Variants in CCDC14 observed in about 807,000 individuals in gnomAD.
CCDC14 encodes the protein coiled-coil domain-containing protein 14.
Under a neutral mutation model 81.4 loss-of-function variants are expected in CCDC14, and 71 were observed. The observed-to-expected ratio is 0.87, with a 90% CI of 0.72 to 1.06. The LOEUF (loss-of-function observed/expected upper bound fraction) is 1.06. Among genes scored for constraint, CCDC14 ranks in the 50% least tolerant of loss-of-function variants. The pLI is 0.00. For missense variants in CCDC14, 1,046 were observed against 1,047.3 expected (o/e 1.00, Z 0.02); for synonymous variants, 332 against 364.8 (o/e 0.91, Z 1.03).
intron 9 of CCDC14, among the ~76,000 whole-genome samples, chr3:123,936,425 T>C (rs1185516757): frequency 2.0e-5 from 3 of 151,978 alleles, no homozygotes; most frequent in East Asian, 1.9e-4. Flanking sequence ...ATAAACTACA[T>C]AAATTTAAAG....
chr3:123,949,427 A>T (rs2036877218), intron 5 of CCDC14: 1 of 344,684 alleles, frequency 2.9e-6, no homozygotes. Context: ...CTTTTAAGGG[A>T]GTTATATTAT....
At chr3:123,908,302 AT>A (rs1158966160) in intron 5 of CCDC14, among the ~76,000 whole-genome samples, 1 of 152,130 alleles carries the variant, frequency 6.6e-6, no homozygotes, top group Non-Finnish European at 1.5e-5. Context: ...TTGAGATCGT[AT>A]CTCCTCATTT....
In CCDC14 at chr3:123,931,245, A is replaced by G. The variant is rs147633350; in HGVS notation, c.1646-11T>C. The G allele has an allele frequency of 1.6e-4, 249 of 1,595,670 alleles. No homozygotes were observed. The African/African-American group carries it at 3.0e-3, about 19-fold the overall frequency. ...GGGCTTCCTCCAATTCTAAAACAAC[A>G]AAAGTTTCAGTTTCCTTATTCCTTT... is the stretch of plus-strand genomic sequence containing the variant. On this transcript the variant is annotated splice_polypyrimidine_tract_variant and intron_variant, in intron 11 of 12. Coordinates refer to ENST00000409697, the MANE Select transcript of CCDC14 (RefSeq NM_001366335.1).
intron 5 of CCDC14, among the ~76,000 whole-genome samples, chr3:123,904,531 A>G (rs2034256882): frequency 6.6e-6 from 1 of 151,476 alleles, no homozygotes; most frequent in African/African-American, 2.4e-5. Context: ...AGGATAACCA[A>G]CTCGTTAATC....
intron 1 of CCDC14, chr3:123,958,902 T>C (rs1354017490): frequency 1.3e-5 from 2 of 152,248 alleles, no homozygotes; most frequent in Non-Finnish European, 2.9e-5. Flanking sequence ...GTATTTGTCC[T>C]TCTGTGACTA....
intron 5 of CCDC14, among the ~76,000 whole-genome samples, chr3:123,950,396 A>G (rs1052234738): frequency 6.6e-6 from 1 of 152,232 alleles, no homozygotes; most frequent in Non-Finnish European, 1.5e-5. Context: ...ATAGCCATGA[A>G]TAGCAGAAAT....
intron 12 of CCDC14, among the ~76,000 whole-genome samples, chr3:123,922,478 C>G (rs1433309492): frequency 6.6e-6 from 1 of 151,668 alleles, no homozygotes; most frequent in Admixed American, 6.6e-5. Flanking sequence ...CTTAGCTAGA[C>G]TAAGAGAAGG....
intron 5 of CCDC14, among the ~76,000 whole-genome samples, chr3:123,951,347 T>A (rs1020635426): frequency 3.9e-5 from 6 of 152,152 alleles, no homozygotes; most frequent in Non-Finnish European, 8.8e-5. Context: ...GTAATAAACC[T>A]CTGAACATGT....
In CCDC14 at chr3:123,956,091, C is replaced by T. The variant is rs909500874; in HGVS notation, c.184G>A (p.Gly62Ser). The T allele has an allele frequency of 1.3e-6, 2 of 1,547,140 alleles. No homozygotes were observed. Among genetic ancestry groups the T allele is most frequent in the African/African-American group, 2.8e-5 (2 of 72,662 alleles). ...ATGTCCCTCAGCAAAGAAGCACAAC[C>T]ATCAAGCCCGTGTACAGTTTCAGCC... ...SQAETVHGLD[G>S]CASLLRDILR... The change falls in exon 4 of 13, where the codon GGT (glycine) becomes AGT (serine). Residue 62 changes from glycine to serine, a missense_variant. Gly to Ser is a moderately conservative substitution (Grantham distance 56, BLOSUM62 0). Transcript: ENST00000409697.
chr3:123,886,586 C>T, the CCDC14 span, among the ~76,000 whole-genome samples: 3 of 151,926 alleles, frequency 2.0e-5, no homozygotes, highest in African/African-American at 2.4e-5. Context: ...TTAGTAGAGA[C>T]GGGGTTTCAT....
exon 6 of CCDC14, chr3:123,897,613 T>A: frequency 8.4e-7 from 1 of 1,187,782 alleles, no homozygotes; most frequent in Non-Finnish European, 1.1e-6. Flanking sequence ...TTTTAAAAAG[T>A]CTGAAAGAAT....
chr3:123,918,949 C>A (rs1385728918), intron 12 of CCDC14, among the ~76,000 whole-genome samples: 2 of 152,166 alleles, frequency 1.3e-5, no homozygotes, highest in Non-Finnish European at 2.9e-5. Flanking sequence ...CTTCCCCAAC[C>A]CTTAAGCAGA....
intron 5 of CCDC14, chr3:123,953,048 G>A (rs1321711122): frequency 2.6e-5 from 4 of 154,890 alleles, no homozygotes; most frequent in Non-Finnish European, 4.3e-5. Flanking sequence ...CTGCTGATTC[G>A]GCTGTAATCC....
At chr3:123,936,076 C>T (rs2036040127) in intron 9 of CCDC14, among the ~76,000 whole-genome samples, 2 of 152,040 alleles carry the variant, frequency 1.3e-5, no homozygotes, top group African/African-American at 4.8e-5. Flanking sequence ...CCCTCTTTGC[C>T]AGTTCATGTG....
Position 123,950,389 on chromosome 3 carries a change from G to T in CCDC14, c.353-1257C>A, listed in dbSNP as rs200396318. Reference sequence around the variant, plus strand: ...AGCCCAAAGCTGAAAACACCAAATAGCCATGAATAGCAGAAATGGATAAAC... The same window carrying T: ...AGCCCAAAGCTGAAAACACCAAATATCCATGAATAGCAGAAATGGATAAAC... On this transcript the variant is annotated intron_variant, in intron 5 of 12. Coordinates refer to ENST00000409697, the MANE Select transcript of CCDC14 (RefSeq NM_001366335.1). Among the ~76,000 whole-genome samples the T allele has an allele frequency of 4.2e-4, 64 of 152,226 alleles. No homozygotes were observed. In the East Asian group the frequency reaches 0.012, roughly 28 times the overall value.
chr3:123,938,762 AAT>A (rs1412310462), intron 9 of CCDC14, among the ~76,000 whole-genome samples: 1 of 152,000 alleles, frequency 6.6e-6, no homozygotes, highest in Non-Finnish European at 1.5e-5. Flanking sequence ...ACTATTTTAA[AAT>A]ATTATGCATT....
rs1257722400 is a variant in CCDC14, at chr3:123,931,222, G to T, written c.1658C>A (p.Ala553Asp). 6.2e-7 allele frequency: 1 copy of T among 1,603,074 alleles called. No homozygotes were observed. The highest frequency in any genetic ancestry group is 8.5e-7 in the Non-Finnish European group (1 of 1,176,970). The part of the protein sequence containing the change: ...ITRIKIELEE[A>D]LVNVKSSQFK... ...CTGGGAGCTTTTCACATTGACTAGG[G>T]CTTCCTCCAATTCTAAAACAACAAA... The change falls in exon 12 of 13, where the codon GCC (alanine) becomes GAC (aspartate). Residue 553 changes from alanine to aspartate, a missense_variant. Coordinates refer to ENST00000409697, the MANE Select transcript of CCDC14 (RefSeq NM_001366335.1).
Position 123,956,823 on chromosome 3 carries a change from A to T in CCDC14, c.31-28T>A, listed in dbSNP as rs2037352803. The T allele has an allele frequency of 2.9e-6, 4 of 1,387,580 alleles. No individual in the cohort carries two copies. The East Asian group carries it at 1.0e-4, about 36-fold the overall frequency. The allele number at this position is 1,387,580 out of a possible 1,614,324, so 86.0% of individuals were successfully genotyped here. ...ATGACATAATATATTATAGCAGATA[A>T]ACAAATATTTTTCTATTATATTTTC... is the stretch of plus-strand genomic sequence containing the variant. On this transcript the variant is annotated intron_variant, in intron 1 of 12. Coordinates refer to ENST00000409697, the MANE Select transcript of CCDC14 (RefSeq NM_001366335.1).
At chr3:123,943,183 G>A (rs1480804462) in intron 9 of CCDC14, among the ~76,000 whole-genome samples, 1 of 151,388 alleles carries the variant, frequency 6.6e-6, no homozygotes, top group African/African-American at 2.4e-5. Flanking sequence ...CACAGTTCCT[G>A]GCTGTCAACA....
Sources: gnomAD v4.1 joint callset for allele counts (sites outside exome capture counted in the v4.1 genomes callset) on GRCh38, gnomAD v4.1.1 for gene constraint, MANE v1.5 for transcripts, NCBI Gene and HGNC (gene_info 2026-07-23, HGNC 2026-07-21) for gene names.